Variants in SSBP2 observed in about 807,000 individuals in gnomAD.
The protein encoded by SSBP2 is single stranded DNA binding protein 2.
SSBP2 carries 17 observed loss-of-function variants against 61.8 expected under a neutral mutation model. The ratio of observed to expected loss-of-function variants is 0.28; its 90% CI spans 0.19 to 0.41. SSBP2 has a LOEUF of 0.41. SSBP2 is among the 10% of genes least tolerant of loss of function. The pLI is 1.00. For synonymous variants in SSBP2, 139 were observed against 141.3 expected (o/e 0.98, Z 0.12); for missense variants, 310 against 458.7 (o/e 0.68, Z 2.96).
intron 5 of SSBP2, among the ~76,000 whole-genome samples, chr5:81,503,783 T>G (rs566445393): frequency 2.0e-5 from 3 of 152,294 alleles, no homozygotes; most frequent in African/African-American, 7.2e-5. Flanking sequence ...ATATATACCA[T>G]GAAATACTAT....
intron 1 of SSBP2, among the ~76,000 whole-genome samples, chr5:81,736,029 T>G (rs1356379806): frequency 6.6e-6 from 1 of 151,952 alleles, no homozygotes; most frequent in Non-Finnish European, 1.5e-5. Flanking sequence ...ATCTTAAGAG[T>G]GGGCCCCACT....
At chr5:81,556,452 C>T (rs1258336928) in intron 4 of SSBP2, among the ~76,000 whole-genome samples, 1 of 152,064 alleles carries the variant, frequency 6.6e-6, no homozygotes, top group Non-Finnish European at 1.5e-5. Flanking sequence ...CTAACACAGA[C>T]AATTTTAGTC....
intron 1 of SSBP2, among the ~76,000 whole-genome samples, chr5:81,690,847 A>C (rs1753150678): frequency 1.3e-5 from 2 of 152,152 alleles, no homozygotes; most frequent in Admixed American, 6.5e-5. Context: ...ATTCCAAAAA[A>C]TCTGAAATTA....
intron 5 of SSBP2, among the ~76,000 whole-genome samples, chr5:81,508,471 T>G (rs1165271211): frequency 6.6e-6 from 1 of 152,192 alleles, no homozygotes; most frequent in Non-Finnish European, 1.5e-5. Flanking sequence ...TGATTTTACT[T>G]AATTGGTTTC....
At chr5:81,458,935 G>C (rs1764348581) in intron 10 of SSBP2, among the ~76,000 whole-genome samples, 2 of 152,154 alleles carry the variant, frequency 1.3e-5, no homozygotes, top group Admixed American at 1.3e-4. Flanking sequence ...TCTCTCTAAA[G>C]AGAGAATGAT....
At chr5:81,711,912 C>T (rs1342927700) in intron 1 of SSBP2, among the ~76,000 whole-genome samples, 1 of 151,744 alleles carries the variant, frequency 6.6e-6, no homozygotes, top group African/African-American at 2.4e-5. Context: ...ATAAGAGTCC[C>T]TATTTCATAA....
intron 10 of SSBP2, among the ~76,000 whole-genome samples, chr5:81,452,852 C>T (rs1407420434): frequency 6.6e-6 from 1 of 151,534 alleles, no homozygotes; most frequent in Non-Finnish European, 1.5e-5. Context: ...AAGGATACAG[C>T]TTCAACTGAA....
At chr5:81,562,828 G>A (rs1455720488) in intron 4 of SSBP2, among the ~76,000 whole-genome samples, 1 of 152,070 alleles carries the variant, frequency 6.6e-6, no homozygotes, top group African/African-American at 2.4e-5. Context: ...ATATTTTGGT[G>A]TAGAGCTAAC....
rs189258872 is a variant in SSBP2, at chr5:81,501,997, T to C, written c.372+11631A>G. On this transcript the variant is annotated intron_variant, in intron 5 of 16. Transcript: ENST00000320672. Reference sequence around the variant, plus strand: ...TCAAAATAGTTTGTAAGAGCCAACATTTCACTCCTAGCAGCATTTCTCTGT... The same window carrying C: ...TCAAAATAGTTTGTAAGAGCCAACACTTCACTCCTAGCAGCATTTCTCTGT... Among the ~76,000 whole-genome samples the C allele has an allele frequency of 1.5e-3, 222 of 152,246 alleles. 1 individual carries two copies. Among genetic ancestry groups the C allele is most frequent in the Non-Finnish European group, 2.6e-3 (179 of 68,018 alleles).
At chr5:81,446,764 C>T (rs1763427380) in intron 12 of SSBP2, 104 bp downstream of exon 12, 3 of 1,100,878 alleles carry the variant, frequency 2.7e-6, no homozygotes, top group Admixed American at 2.7e-5. Context: ...CTTTAACTAT[C>T]GTGAGAACAT....
intron 4 of SSBP2, among the ~76,000 whole-genome samples, chr5:81,556,543 C>T (rs778748595): frequency 4.6e-5 from 7 of 152,096 alleles, no homozygotes; most frequent in Non-Finnish European, 7.4e-5. Flanking sequence ...TATGCATGCA[C>T]ATCCATGCTC....
rs948934179 is a variant in SSBP2 at position 81,417,617 on chromosome 5, C to G, written c.*2887G>C. On this transcript the variant is annotated 3_prime_UTR_variant, in exon 17 of 17. Transcript: ENST00000320672. ...ACACAAGAGAAAAACATTAAATAGT[C>G]TTATTACAAGAAAAAAGGATAAGGG... 1.3e-5 allele frequency: 2 copies of G among 151,996 alleles called. No homozygotes were observed. The highest frequency in any genetic ancestry group is 2.9e-5 in the Non-Finnish European group (2 of 67,994). 9.4% of individuals were successfully genotyped at this position (151,996 alleles called of 1,614,324 possible).
chr5:81,488,635 G>A (rs576841698), intron 6 of SSBP2, among the ~76,000 whole-genome samples: 44 of 151,636 alleles, frequency 2.9e-4, no homozygotes, highest in African/African-American at 1.0e-3. Context: ...CATGTGCCAT[G>A]CTGGTGTGCT....
chr5:81,725,939 T>C (rs1049561742), intron 1 of SSBP2, among the ~76,000 whole-genome samples: 7 of 152,166 alleles, frequency 4.6e-5, no homozygotes, highest in African/African-American at 1.4e-4. Flanking sequence ...TTTTCTATCA[T>C]AAAAGGCATT....
At chr5:81,686,869 AAAAGAAAAGAAAAGAAAAGAAAAG>A (rs1209077756) in intron 1 of SSBP2, among the ~76,000 whole-genome samples, 196 of 16,326 alleles carry the variant, frequency 0.012, 2 homozygotes, top group African/African-American at 0.053. Flanking sequence ...AAAAAAAAAA[AAAAGAAAAGAAAAGAAAAGAAAAG>A]AAAAGAAAAG....
At chr5:81,628,197 A>T (rs150822054) in intron 3 of SSBP2, among the ~76,000 whole-genome samples, 40 of 152,366 alleles carry the variant, frequency 2.6e-4, no homozygotes, top group African/African-American at 8.7e-4. Context: ...GAAGCTTAGA[A>T]TCCATGGCAG....
At chr5:81,494,093 T>C (rs1412844701) in intron 5 of SSBP2, among the ~76,000 whole-genome samples, 2 of 152,226 alleles carry the variant, frequency 1.3e-5, no homozygotes, top group South Asian at 4.1e-4. Flanking sequence ...TAGAATGTTC[T>C]CTTCACCAAA....
At chr5:81,737,900 G>A (rs887614292) in intron 1 of SSBP2, among the ~76,000 whole-genome samples, 2 of 151,562 alleles carry the variant, frequency 1.3e-5, no homozygotes, top group Non-Finnish European at 2.9e-5. Flanking sequence ...CTTGATTTCT[G>A]CTAATGTCAG....
intron 9 of SSBP2, among the ~76,000 whole-genome samples, chr5:81,465,308 T>A (rs552862753): frequency 2.0e-5 from 3 of 152,098 alleles, no homozygotes; most frequent in Middle Eastern, 6.8e-3. Flanking sequence ...CACCCAAACC[T>A]AAATATCAAC....
Sources: allele counts gnomAD v4.1 joint callset (sites outside exome capture counted in the v4.1 genomes callset), GRCh38; gene constraint gnomAD v4.1.1; transcripts MANE v1.5; gene names NCBI Gene and HGNC (gene_info 2026-07-23, HGNC 2026-07-21).